Variants in JPH3 observed in about 807,000 individuals in gnomAD.
JPH3 encodes the protein junctophilin 3.
Under a neutral mutation model 59.6 loss-of-function variants are expected in JPH3, and 11 were observed. That is an observed-to-expected ratio of 0.18 (90% CI 0.12 to 0.31). The LOEUF is 0.31. Ranked by LOEUF, JPH3 falls within the 10% of genes least tolerant of loss-of-function variation. JPH3 has a pLI of 1.00. For synonymous variants in JPH3, 673 were observed against 483.6 expected, an observed-to-expected ratio of 1.39 and a Z score of -5.14; for missense variants, 1,202 against 1,105.7, an observed-to-expected ratio of 1.09 and a Z score of -1.24.
intron 1 of JPH3, among the ~76,000 whole-genome samples, chr16:87,618,187 A>G (rs1361329066): frequency 1.3e-5 from 2 of 152,160 alleles, no homozygotes; most frequent in Non-Finnish European, 2.9e-5. Context: ...AATAAATAAT[A>G]AAACTTGGAA....
At chr16:87,659,393 A>AAAAAAAAC (rs2032626225) in intron 2 of JPH3, among the ~76,000 whole-genome samples, 1 of 146,678 alleles carries the variant, frequency 6.8e-6, no homozygotes. Context: ...AAAAGAAAAA[A>AAAAAAAAC]AAAAAGAAAA....
intron 1 of JPH3, among the ~76,000 whole-genome samples, chr16:87,625,646 C>T (rs954054316): frequency 1.3e-5 from 2 of 152,166 alleles, no homozygotes; most frequent in Admixed American, 6.5e-5. Context: ...GAGGATCTAA[C>T]AGGGGTTCCT....
At chr16:87,616,954 G>A (rs747532068) in intron 1 of JPH3, among the ~76,000 whole-genome samples, 9 of 152,344 alleles carry the variant, frequency 5.9e-5, no homozygotes, top group Middle Eastern at 6.8e-3. Context: ...GCTGGGCTCC[G>A]TGGCTCACGC....
chr16:87,608,079 G>T (rs1440718828), intron 1 of JPH3, among the ~76,000 whole-genome samples: 5 of 152,386 alleles, frequency 3.3e-5, no homozygotes, highest in Middle Eastern at 6.8e-3. Flanking sequence ...GCTGGCCGGG[G>T]AGTGAGGACC....
intron 1 of JPH3, among the ~76,000 whole-genome samples, chr16:87,625,981 C>T (rs1597243560): frequency 6.6e-6 from 1 of 152,204 alleles, no homozygotes; most frequent in African/African-American, 2.4e-5. Context: ...CTCAGAAGTT[C>T]CTCATAGCCA....
At chr16:87,678,572 C>G (rs193089968) in intron 2 of JPH3, among the ~76,000 whole-genome samples, 106 of 152,178 alleles carry the variant, frequency 7.0e-4, no homozygotes, top group African/African-American at 2.3e-3. Flanking sequence ...ATGTGTGTGT[C>G]TGTGTATACA....
chr16:87,638,697 G>T lies in JPH3; in HGVS notation c.383-5561G>T, dbSNP rs140387740. The stretch of plus-strand genomic sequence containing the variant: ...GCTCACCTGCTGAGAATGAGCCAGT[G>T]TTGGCCTCTGGTCTCCATGTCTGTA... On this transcript the variant is annotated intron_variant, in intron 1 of 4. Transcript: ENST00000284262. 3.9e-3 allele frequency among the ~76,000 whole-genome samples: 594 copies of T among 152,222 alleles called. 3 individuals carry two copies. Among genetic ancestry groups the T allele is most frequent in the African/African-American group, 0.014 (579 of 41,524 alleles).
At chr16:87,680,016 T>C (rs2033245928) in intron 2 of JPH3, among the ~76,000 whole-genome samples, 1 of 152,166 alleles carries the variant, frequency 6.6e-6, no homozygotes, top group East Asian at 1.9e-4. Flanking sequence ...TGGGTCTTCC[T>C]CTGGGCACCC....
intron 2 of JPH3, among the ~76,000 whole-genome samples, chr16:87,646,512 C>T (rs547959854): frequency 6.6e-6 from 1 of 152,240 alleles, no homozygotes; most frequent in East Asian, 1.9e-4. Context: ...GTTATTTTTT[C>T]CATCATAAAT....
At chr16:87,663,669 C>T (rs1020162160) in intron 2 of JPH3, among the ~76,000 whole-genome samples, 1 of 152,180 alleles carries the variant, frequency 6.6e-6, no homozygotes, top group African/African-American at 2.4e-5. Flanking sequence ...GCCCCAGGGA[C>T]CCCATCCTCG....
intron 1 of JPH3, among the ~76,000 whole-genome samples, chr16:87,606,963 C>T (rs1166223017): frequency 6.6e-6 from 1 of 152,140 alleles, no homozygotes; most frequent in Non-Finnish European, 1.5e-5. Flanking sequence ...TGGAGGCTCC[C>T]AGTGGGTGTG....
At chr16:87,682,954 T>G (rs2033331027) in intron 2 of JPH3, among the ~76,000 whole-genome samples, 2 of 152,288 alleles carry the variant, frequency 1.3e-5, no homozygotes, top group African/African-American at 2.4e-5. Flanking sequence ...TTACAAAGGG[T>G]GGGCAGGTCC....
intron 1 of JPH3, among the ~76,000 whole-genome samples, chr16:87,637,078 C>A (rs59169594): frequency 6.6e-6 from 1 of 152,270 alleles, no homozygotes; most frequent in East Asian, 1.9e-4. Context: ...TTCTCAAAGC[C>A]CCTAGGATTT....
chr16:87,676,243 G>T (rs2033138956), intron 2 of JPH3, among the ~76,000 whole-genome samples: 1 of 152,180 alleles, frequency 6.6e-6, no homozygotes, highest in Non-Finnish European at 1.5e-5. Flanking sequence ...TCAGAGCAAG[G>T]ACCTTGTTTG....
At chr16:87,673,086 C>T (rs1019183571) in intron 2 of JPH3, among the ~76,000 whole-genome samples, 1 of 151,792 alleles carries the variant, frequency 6.6e-6, no homozygotes, top group African/African-American at 2.4e-5. Flanking sequence ...GCGGAGGTTG[C>T]AGTGGGCCGA....
chr16:87,637,388 G>A (rs896109900), intron 1 of JPH3, among the ~76,000 whole-genome samples: 4 of 114,440 alleles, frequency 3.5e-5, no homozygotes, highest in East Asian at 2.2e-4. Flanking sequence ...TTCATGTTAT[G>A]GGGGAGAGAG....
At chr16:87,671,777 A>G (rs13337384) in intron 2 of JPH3, among the ~76,000 whole-genome samples, 22,327 of 152,152 alleles carry the variant, frequency 0.15, 1,734 homozygotes, top group South Asian at 0.21. Context: ...AGGCATGGAG[A>G]CTGGGCTGGT....
intron 4 of JPH3, chr16:87,694,031 G>C (rs3812969): frequency 0.14 from 20,930 of 152,256 alleles, 1,605 homozygotes; most frequent in Middle Eastern, 0.22. Context: ...CGCAGGAGTG[G>C]TCAGAGCCTG....
At chr16:87,638,356 A>T (rs11117290) in intron 1 of JPH3, among the ~76,000 whole-genome samples, 1 of 152,140 alleles carries the variant, frequency 6.6e-6, no homozygotes, top group African/African-American at 2.4e-5. Flanking sequence ...GTGAACAGAC[A>T]CGTTCACTGG....
Sources: allele counts gnomAD v4.1 joint callset (sites outside exome capture counted in the v4.1 genomes callset), GRCh38; gene constraint gnomAD v4.1.1; transcripts MANE v1.5; gene names NCBI Gene and HGNC (gene_info 2026-07-23, HGNC 2026-07-21).